Variants in GRM7 observed in about 807,000 individuals in gnomAD.
GRM7 encodes glutamate metabotropic receptor 7.
In GRM7, 35 loss-of-function variants were observed where a neutral mutation model predicts 84.5. That is an observed-to-expected ratio of 0.41 (90% CI 0.32 to 0.55). The LOEUF is 0.55. Ranked by LOEUF, GRM7 falls within the 20% of genes least tolerant of loss-of-function variation. GRM7 has a pLI of 0.19. For missense variants in GRM7, 1,003 were observed against 1,194.6 expected, an observed-to-expected ratio of 0.84 and a Z score of 2.36; for synonymous variants, 487 against 455.1, an observed-to-expected ratio of 1.07 and a Z score of -0.89.
chr3:6,957,438 C>G (rs1693106178), intron 1 of GRM7, among the ~76,000 whole-genome samples: 1 of 152,194 alleles, frequency 6.6e-6, no homozygotes, highest in African/African-American at 2.4e-5. Context: ...CAAAACGCTC[C>G]CTCTGCATTT....
intron 4 of GRM7, among the ~76,000 whole-genome samples, chr3:7,307,050 C>T (rs766038540): frequency 3.3e-5 from 5 of 152,030 alleles, no homozygotes; most frequent in African/African-American, 1.2e-4. Context: ...GTACAAGAAC[C>T]CTTTCCCCCC....
intron 7 of GRM7, among the ~76,000 whole-genome samples, chr3:7,492,047 C>T (rs1699538618): frequency 6.6e-6 from 1 of 152,086 alleles, no homozygotes; most frequent in South Asian, 2.1e-4. Flanking sequence ...GCCTTGCATA[C>T]CTAGAAGGAA....
At chr3:7,160,297 G>A (rs1486641445) in intron 2 of GRM7, among the ~76,000 whole-genome samples, 1 of 152,100 alleles carries the variant, frequency 6.6e-6, no homozygotes, top group African/African-American at 2.4e-5. Flanking sequence ...GCTGGTAAAG[G>A]TTATTGGAAA....
chr3:7,476,035 C>A (rs1005840586), intron 7 of GRM7, among the ~76,000 whole-genome samples: 11 of 152,186 alleles, frequency 7.2e-5, no homozygotes, highest in African/African-American at 2.4e-4. Context: ...TCAGTATTCA[C>A]ACGTGTAGAC....
rs186089212 is a variant in GRM7 at position 7,698,030 on chromosome 3, T to C, written c.2698+17735T>C. 2.0e-5 allele frequency among the ~76,000 whole-genome samples: 3 copies of C among 152,288 alleles called. No homozygotes were observed. In the East Asian group the frequency reaches 5.8e-4, roughly 29 times the overall value. ...TTAATTTACAGAGTGGTTACTCTTGTTAGGGACTCTGCATGGAAGGCTGAG... is the reference window on the plus strand; with the variant it reads ...TTAATTTACAGAGTGGTTACTCTTGCTAGGGACTCTGCATGGAAGGCTGAG... On this transcript the variant is annotated intron_variant, in intron 9 of 9. Transcript: ENST00000357716.
At chr3:7,642,858 A>G (rs1698426537) in intron 8 of GRM7, among the ~76,000 whole-genome samples, 1 of 152,134 alleles carries the variant, frequency 6.6e-6, no homozygotes, top group Non-Finnish European at 1.5e-5. Context: ...AAATGAGCAC[A>G]TGGTATGCAC....
chr3:7,133,081 G>A (rs769880340), intron 1 of GRM7, among the ~76,000 whole-genome samples: 3 of 151,976 alleles, frequency 2.0e-5, no homozygotes, highest in Non-Finnish European at 4.4e-5. Flanking sequence ...TCCATGTAAC[G>A]GACTCAGCAC....
At chr3:7,023,208 C>T (rs1695845777) in intron 1 of GRM7, among the ~76,000 whole-genome samples, 1 of 152,134 alleles carries the variant, frequency 6.6e-6, no homozygotes, top group Non-Finnish European at 1.5e-5. Context: ...CTAGTCTCTT[C>T]TCTAGTTATT....
At chr3:7,189,501 A>G (rs1695635631) in intron 2 of GRM7, among the ~76,000 whole-genome samples, 2 of 152,174 alleles carry the variant, frequency 1.3e-5, no homozygotes, top group Non-Finnish European at 2.9e-5. Flanking sequence ...CTCAATAAAA[A>G]CTGTCAACTA....
chr3:7,677,132 C>T (rs1422665504), intron 8 of GRM7, among the ~76,000 whole-genome samples: 4 of 151,740 alleles, frequency 2.6e-5, no homozygotes, highest in Admixed American at 6.6e-5. Flanking sequence ...CGCGGTGGCA[C>T]GTGCCTGTAG....
chr3:7,651,578 C>T (rs1698940721), intron 8 of GRM7, among the ~76,000 whole-genome samples: 1 of 152,160 alleles, frequency 6.6e-6, no homozygotes, highest in Admixed American at 6.5e-5. Flanking sequence ...CATTATATCT[C>T]CTTGGCAAAG....
intron 1 of GRM7, among the ~76,000 whole-genome samples, chr3:6,898,902 T>C (rs1696287995): frequency 6.6e-6 from 1 of 152,070 alleles, no homozygotes; most frequent in South Asian, 2.1e-4. Context: ...GGTGCATGAC[T>C]GGTGGTATTG....
chr3:7,146,376 T>C (rs3749450), intron 1 of GRM7, 76 bp from the exon 2 acceptor site: 325,452 of 1,140,990 alleles, frequency 0.29, 48,426 homozygotes, highest in Non-Finnish European at 0.32. Context: ...GTATTTTAAG[T>C]AAACTGTCAT....
At chr3:6,952,233 C>A (rs1213103520) in intron 1 of GRM7, among the ~76,000 whole-genome samples, 3 of 152,174 alleles carry the variant, frequency 2.0e-5, no homozygotes, top group Middle Eastern at 3.2e-3. Context: ...CAACCTAGGC[C>A]AGACCCTTCC....
At chr3:7,446,422 C>G (rs796403008) in intron 5 of GRM7, among the ~76,000 whole-genome samples, 1 of 149,870 alleles carries the variant, frequency 6.7e-6, no homozygotes, top group Non-Finnish European at 1.5e-5. Context: ...TTTTGAAACA[C>G]GATTTTGTTG....
chr3:7,429,137 T>C (rs1273133404), intron 5 of GRM7, among the ~76,000 whole-genome samples: 2 of 152,200 alleles, frequency 1.3e-5, no homozygotes, highest in Non-Finnish European at 2.9e-5. Context: ...TTTGCATCTC[T>C]GTGCCTGTTT....
chr3:6,904,866 A>C (rs1360980888), intron 1 of GRM7, among the ~76,000 whole-genome samples: 4 of 151,976 alleles, frequency 2.6e-5, no homozygotes, highest in Non-Finnish European at 5.9e-5. Context: ...AACTACAGGC[A>C]CATAGCACCC....
At chr3:7,452,558 T>TTGTGTGTGTG (rs111752136) in intron 5 of GRM7, 49 bp from the exon 6 acceptor site, 58 of 1,007,262 alleles carry the variant, frequency 5.8e-5, no homozygotes, top group African/African-American at 4.8e-4. Flanking sequence ...CAATGCCAAT[T>TTGTGTGTGTG]TGTGTGTGTG....
chr3:7,102,290 T>A (rs942509860), intron 1 of GRM7, among the ~76,000 whole-genome samples: 1 of 130,000 alleles, frequency 7.7e-6, no homozygotes, highest in Non-Finnish European at 1.5e-5. Flanking sequence ...TTTGCCTTCG[T>A]ATGTATTTTT....
Sources: allele counts gnomAD v4.1 joint callset (sites outside exome capture counted in the v4.1 genomes callset), GRCh38; gene constraint gnomAD v4.1.1; transcripts MANE v1.5; gene names NCBI Gene and HGNC (gene_info 2026-07-23, HGNC 2026-07-21).